The following AGMO variants were observed in gnomAD, a reference collection of about 807,000 sequenced individuals.
The protein encoded by AGMO is alkylglycerol monooxygenase, also known as glyceryl-ether monooxygenase.
In AGMO, 75 loss-of-function variants were observed where a neutral mutation model predicts 60.2. The ratio of observed to expected loss-of-function variants is 1.25; its 90% confidence interval spans 1.03 to 1.51. The LOEUF is 1.51. Ranked by LOEUF, AGMO falls within the 40% of genes most tolerant of loss-of-function variation. The pLI is 0.00. For synonymous variants in AGMO, 261 were observed against 177.1 expected (o/e 1.47, Z -3.76); for missense variants, 763 against 525.5 (o/e 1.45, Z -4.42).
At chr7:15,396,573 G>C (rs370200267) in intron 5 of AGMO, 1 of 152,232 alleles carries the variant, frequency 6.6e-6, no homozygotes, top group Non-Finnish European at 1.5e-5. Context: ...ACAACAGCTT[G>C]CCGCTCCTTG....
In AGMO at chr7:15,237,377, TC is replaced by T. The variant is rs147595886; in HGVS notation, c.1264-36019del. ...ATGCAGGCTTTCTTTTCTTTATATT[TC>T]CTGTGTTTGTCATTTATGGAATAAG... is the stretch of plus-strand genomic sequence containing the variant. On this transcript the variant is annotated intron_variant, in intron 12 of 12. Transcript: ENST00000342526. Among the ~76,000 whole-genome samples the T allele has an allele frequency of 6.6e-3, 1,002 of 152,262 alleles. 14 individuals carry two copies. Among genetic ancestry groups the T allele is most frequent in the African/African-American group, 0.022 (935 of 41,566 alleles).
rs534885427 is a variant in AGMO, at chr7:15,214,519, G to A, written c.1264-13160C>T. On this transcript the variant is annotated intron_variant, in intron 12 of 12. Transcript: ENST00000342526. ...AATTTTCTCACACCCTCAAATTTGAGAACCATTGTGCAAGGCTGAGGAAAG... is the reference window on the plus strand; with the variant it reads ...AATTTTCTCACACCCTCAAATTTGAAAACCATTGTGCAAGGCTGAGGAAAG... 7.4e-4 allele frequency among the ~76,000 whole-genome samples: 113 copies of A among 152,012 alleles called. No individual in the cohort carries two copies. In the Middle Eastern group the frequency reaches 0.01, roughly 14 times the overall value.
At chr7:15,342,132 G>A (rs1175146346) in intron 12 of AGMO, among the ~76,000 whole-genome samples, 1 of 129,474 alleles carries the variant, frequency 7.7e-6, no homozygotes, top group Non-Finnish European at 1.6e-5. Context: ...GTGACTGGGT[G>A]AATTGCCTCC....
At chr7:15,146,442 A>G in the AGMO span, among the ~76,000 whole-genome samples, 1 of 152,200 alleles carries the variant, frequency 6.6e-6, no homozygotes, top group South Asian at 2.1e-4. Context: ...AATATTGTGT[A>G]ACTTAATCAT....
chr7:15,516,063 G>A (rs1159914305), intron 3 of AGMO, among the ~76,000 whole-genome samples: 1 of 152,038 alleles, frequency 6.6e-6, no homozygotes, highest in Non-Finnish European at 1.5e-5. Flanking sequence ...GAGGTATGAT[G>A]TAAATTAGCT....
chr7:15,508,601 C>T (rs2128528987), intron 3 of AGMO, among the ~76,000 whole-genome samples: 1 of 152,140 alleles, frequency 6.6e-6, no homozygotes, highest in African/African-American at 2.4e-5. Flanking sequence ...TCAATCTAGT[C>T]CACAAGAGAA....
intron 12 of AGMO, among the ~76,000 whole-genome samples, chr7:15,243,673 G>A (rs1222633190): frequency 1.3e-5 from 2 of 152,026 alleles, no homozygotes; most frequent in African/African-American, 4.8e-5. Context: ...CCATTGAGTT[G>A]TTTAGTCAAA....
chr7:15,420,455 A>G (rs969036359), intron 4 of AGMO, among the ~76,000 whole-genome samples: 2 of 152,170 alleles, frequency 1.3e-5, no homozygotes, highest in Non-Finnish European at 2.9e-5. Context: ...ATTCCAAAAT[A>G]CTATATTTCT....
intron 5 of AGMO, among the ~76,000 whole-genome samples, chr7:15,400,555 G>A (rs2128489495): frequency 6.6e-6 from 1 of 152,284 alleles, no homozygotes; most frequent in African/African-American, 2.4e-5. Flanking sequence ...GAGTTGGTGA[G>A]AGGAATGTCG....
chr7:15,237,698 A>C (rs1169102315), intron 12 of AGMO, among the ~76,000 whole-genome samples: 1 of 152,096 alleles, frequency 6.6e-6, no homozygotes, highest in East Asian at 1.9e-4. Context: ...AGCAATACAC[A>C]CACACAAATA....
At chr7:15,307,278 A>C (rs1038444214) in intron 12 of AGMO, among the ~76,000 whole-genome samples, 1 of 152,160 alleles carries the variant, frequency 6.6e-6, no homozygotes, top group South Asian at 2.1e-4. Context: ...TGTCTTCAAA[A>C]GCCAAGCCCA....
At chr7:15,430,096 G>A (rs1781184600) in intron 4 of AGMO, among the ~76,000 whole-genome samples, 1 of 151,942 alleles carries the variant, frequency 6.6e-6, no homozygotes, top group Non-Finnish European at 1.5e-5. Context: ...GTGTATGAAG[G>A]CTGTTGTGAA....
Position 15,390,864 on chromosome 7 carries a change from G to A in AGMO, c.718C>T (p.Leu240Phe). The stretch of plus-strand genomic sequence containing the variant: ...CCAAAAATTTTATCCCAAATAATAA[G>A]AACACCAGCATAATTTTTGTCTATG... ...YCIDKNYAGVLIIWDKIFGTF... is the reference protein window; with the variant it reads ...YCIDKNYAGVFIIWDKIFGTF... Residue 240 changes from leucine to phenylalanine, a missense_variant, in exon 7 of 13, where the codon CTT becomes TTT. Leu to Phe is a conservative substitution (Grantham distance 22, BLOSUM62 0). Transcript: ENST00000342526. 1.2e-6 allele frequency: 2 copies of A among 1,604,240 alleles called. No individual in the cohort carries two copies. Among genetic ancestry groups the A allele is most frequent in the African/African-American group, 2.7e-5 (2 of 74,726 alleles).
intron 12 of AGMO, among the ~76,000 whole-genome samples, chr7:15,306,789 T>G (rs1252919675): frequency 6.6e-6 from 1 of 152,050 alleles, no homozygotes; most frequent in East Asian, 1.9e-4. Flanking sequence ...TTTATTATGC[T>G]AAGTATGCCA....
intron 12 of AGMO, among the ~76,000 whole-genome samples, chr7:15,236,027 A>G (rs1782409188): frequency 6.6e-6 from 1 of 152,114 alleles, no homozygotes; most frequent in African/African-American, 2.4e-5. Flanking sequence ...TTTAAAATAC[A>G]CTTCAAATGC....
chr7:15,447,353 C>T (rs772345457), intron 3 of AGMO, among the ~76,000 whole-genome samples: 2 of 152,102 alleles, frequency 1.3e-5, no homozygotes, highest in Admixed American at 6.6e-5. Context: ...ACCTCCACCC[C>T]TATGGAGAAT....
intron 3 of AGMO, among the ~76,000 whole-genome samples, chr7:15,493,974 A>G (rs1032536124): frequency 6.6e-6 from 1 of 152,168 alleles, no homozygotes; most frequent in African/African-American, 2.4e-5. Flanking sequence ...CCACCACCTC[A>G]TGAATTTTTC....
chr7:15,555,745 C>T (rs1410359548), intron 2 of AGMO, among the ~76,000 whole-genome samples: 1 of 151,920 alleles, frequency 6.6e-6, no homozygotes, highest in African/African-American at 2.4e-5. Context: ...GACTAATAAG[C>T]AGTGAACCTT....
the AGMO span, among the ~76,000 whole-genome samples, chr7:15,177,494 C>A: frequency 1.3e-5 from 2 of 152,040 alleles, no homozygotes; most frequent in Admixed American, 1.3e-4. Context: ...TTTTTAAAAA[C>A]ACTTTTTCTT....
Sources: gnomAD v4.1 joint callset for allele counts (sites outside exome capture counted in the v4.1 genomes callset) on GRCh38, gnomAD v4.1.1 for gene constraint, MANE v1.5 for transcripts, NCBI Gene and HGNC (gene_info 2026-07-23, HGNC 2026-07-21) for gene names.